NOC3L: variants seen among roughly 807,000 people sequenced by gnomAD.
NOC3L encodes nucleolar complex protein 3 homolog.
Under a neutral mutation model 102.5 loss-of-function variants are expected in NOC3L, and 85 were observed. The observed-to-expected ratio is 0.83, with a 90% confidence interval of 0.70 to 0.99. NOC3L has a LOEUF of 0.99. NOC3L is among the 50% of genes least tolerant of loss of function. The pLI, the probability that NOC3L is intolerant of heterozygous loss-of-function variation, is 0.00. For synonymous variants in NOC3L, 303 were observed against 309.4 expected, an observed-to-expected ratio of 0.98 and a Z score of 0.22; for missense variants, 878 against 914.9, an observed-to-expected ratio of 0.96 and a Z score of 0.52.
intron 18 of NOC3L, 91 bp from the exon 19 acceptor site, chr10:94,337,965 C>G (rs2054242165): frequency 5.2e-6 from 5 of 966,072 alleles, no homozygotes; most frequent in Non-Finnish European, 7.9e-6. Flanking sequence ...AATAAAATTA[C>G]ACCAAATTTT....
chr10:94,354,731 A>G (rs2054462479), intron 6 of NOC3L, among the ~76,000 whole-genome samples: 1 of 152,148 alleles, frequency 6.6e-6, no homozygotes, highest in South Asian at 2.1e-4. Context: ...TATGAAGATG[A>G]GGAGAATAAG....
At chr10:94,319,720 ATGTACACAGACAAGG>A in the NOC3L span, among the ~76,000 whole-genome samples, 1 of 152,164 alleles carries the variant, frequency 6.6e-6, no homozygotes, top group African/African-American at 2.4e-5. Context: ...CATGTCAAAC[ATGTACACAGACAAGG>A]TGTACAACAA....
chr10:94,353,960 G>C (rs1471823698), intron 6 of NOC3L, among the ~76,000 whole-genome samples: 1 of 152,158 alleles, frequency 6.6e-6, no homozygotes, highest in Non-Finnish European at 1.5e-5. Context: ...TTCCTGAGTA[G>C]AAGATCTGGG....
the NOC3L span, chr10:94,321,774 G>A: frequency 1.5e-6 from 1 of 689,336 alleles, no homozygotes; most frequent in Non-Finnish European, 2.5e-6. Flanking sequence ...TAATAACATA[G>A]TATATGAGAT....
At chr10:94,343,891 G>T (rs566788432) in intron 13 of NOC3L, among the ~76,000 whole-genome samples, 2 of 151,932 alleles carry the variant, frequency 1.3e-5, no homozygotes. Flanking sequence ...TATTTTTACC[G>T]AATAGCAATG....
At chr10:94,359,572 G>C (rs956207284) in intron 2 of NOC3L, among the ~76,000 whole-genome samples, 1 of 151,976 alleles carries the variant, frequency 6.6e-6, no homozygotes, top group Non-Finnish European at 1.5e-5. Context: ...TTAAAAAATG[G>C]GCAAAAGATA....
chr10:94,316,705 G>T, the NOC3L span: 1 of 1,614,064 alleles, frequency 6.2e-7, no homozygotes, highest in Non-Finnish European at 8.5e-7. Flanking sequence ...TAAGCAGCTG[G>T]TTTCCAGAAG....
the NOC3L span, among the ~76,000 whole-genome samples, chr10:94,320,211 G>A: frequency 6.6e-6 from 1 of 151,802 alleles, no homozygotes; most frequent in African/African-American, 2.4e-5. Flanking sequence ...GTATACATAG[G>A]ATACAATCTC....
the NOC3L span, among the ~76,000 whole-genome samples, chr10:94,327,409 A>G: frequency 1.3e-5 from 2 of 152,018 alleles, no homozygotes; most frequent in East Asian, 3.9e-4. Context: ...AGCCTGGCCA[A>G]CATGGTGAAA....
In NOC3L at chr10:94,334,623, A is replaced by C; in HGVS notation, c.2274+11T>G. 6.3e-7 allele frequency: 1 copy of C among 1,598,682 alleles called. No homozygotes were observed. The highest frequency in any genetic ancestry group is 8.6e-7 in the Non-Finnish European group (1 of 1,169,308). ...ATTTCTTCCTTTAAAAAAATGAAAA[A>C]TATCCCATACCTTTATTTTGGGGTT... On this transcript the variant is annotated intron_variant, in intron 20 of 20. Transcript: ENST00000371361.
Position 94,362,902 on chromosome 10 carries a change from C to A in NOC3L, c.-64G>T. On this transcript the variant is annotated 5_prime_UTR_variant, in exon 1 of 21. Transcript: ENST00000371361. The stretch of plus-strand genomic sequence containing the variant: ...CAGAAGCAGGGTTACTACAGAAATC[C>A]CGGGGAATGACACACGTGCCGAAGT... 1 of 1,613,578 alleles carries A rather than the reference C, an allele frequency of 6.2e-7. No homozygotes were observed. The highest frequency in any genetic ancestry group is 1.6e-4 in the Middle Eastern group (1 of 6,062).
At chr10:94,352,699 G>A (rs926001752) in intron 7 of NOC3L, among the ~76,000 whole-genome samples, 197 bp downstream of exon 7, 3 of 152,088 alleles carry the variant, frequency 2.0e-5, no homozygotes, top group African/African-American at 7.2e-5. Flanking sequence ...GCGCATGCCT[G>A]TGATCCCAGC....
At chr10:94,321,495 G>A in the NOC3L span, among the ~76,000 whole-genome samples, 2 of 152,116 alleles carry the variant, frequency 1.3e-5, no homozygotes, top group Non-Finnish European at 2.9e-5. Flanking sequence ...AGGCATGGTG[G>A]CACACATCTG....
At position 94,361,670 on chromosome 10, in the gene NOC3L, C is replaced by T. The variant is rs759225017; in HGVS notation, c.212G>A (p.Arg71Gln). ...PIPLENPKEKRPGKRIEREEE... is the reference protein window; with the variant it reads ...PIPLENPKEKQPGKRIEREEE... ...CATGATGTTTTCACAATTACCTGGT[C>T]GCTTTTCCTTTGGGTTCTCCAATGG... is the stretch of plus-strand genomic sequence containing the variant. The change falls in exon 2 of 21, where the codon CGA (arginine) becomes CAA (glutamine). Residue 71 changes from arginine (R) to glutamine (Q), a missense_variant. Transcript: ENST00000371361. 17 of 1,612,824 alleles carry T rather than the reference C, an allele frequency of 1.1e-5. No homozygotes were observed. In the Admixed American group the frequency reaches 2.0e-4, roughly 19 times the overall value.
Position 94,359,243 on chromosome 10 carries a change from G to A in NOC3L, c.218-1028C>T, listed in dbSNP as rs550051940. 2.6e-5 allele frequency among the ~76,000 whole-genome samples: 4 copies of A among 152,232 alleles called. No homozygotes were observed. In the South Asian group the frequency reaches 8.3e-4, roughly 32 times the overall value. ...AGTTCAAAACCAGCCTGGCCAACAT[G>A]GTGAAACCCCATCTCTACGAAAAAT... On this transcript the variant is annotated intron_variant, in intron 2 of 20. Coordinates refer to ENST00000371361, the MANE Select transcript of NOC3L (RefSeq NM_022451.11).
chr10:94,354,629 G>A (rs1192155210), intron 6 of NOC3L, among the ~76,000 whole-genome samples: 6 of 152,112 alleles, frequency 3.9e-5, no homozygotes, highest in Admixed American at 3.3e-4. Context: ...CCACGGGTAT[G>A]TCAAGCAAAT....
chr10:94,340,009 T>G (rs763327187), intron 16 of NOC3L, 89 bp from the exon 17 acceptor site: 3 of 1,159,636 alleles, frequency 2.6e-6, no homozygotes, highest in Non-Finnish European at 3.7e-6. Context: ...CAAGATAAAC[T>G]TTTGTACCTG....
At chr10:94,360,699 A>G (rs2054542743) in intron 2 of NOC3L, among the ~76,000 whole-genome samples, 1 of 152,214 alleles carries the variant, frequency 6.6e-6, no homozygotes, top group African/African-American at 2.4e-5. Context: ...CTAAAAAAGT[A>G]TAACTGGATT....
chr10:94,333,176 CTT>C (rs1012850137), downstream of NOC3L: 1 of 152,102 alleles, frequency 6.6e-6, no homozygotes, highest in African/African-American at 2.4e-5. Flanking sequence ...TAAGAGATCT[CTT>C]TAGTTGGACT....
Sources: gnomAD v4.1 joint callset for allele counts (sites outside exome capture counted in the v4.1 genomes callset) on GRCh38, gnomAD v4.1.1 for gene constraint, MANE v1.5 for transcripts, NCBI Gene and HGNC (gene_info 2026-07-23, HGNC 2026-07-21) for gene names.